Variants in ZNF883 observed in about 807,000 individuals in gnomAD.
The protein encoded by ZNF883 is zinc finger protein 883.
At chr9:112,997,278 T>A in exon 1 of ZNF883, 3 of 1,614,182 alleles carry the variant, frequency 1.9e-6, no homozygotes, top group Non-Finnish European at 1.7e-6. Flanking sequence ...CTGAAGGATT[T>A]CCCACATTCA....
downstream of ZNF883, among the ~76,000 whole-genome samples, chr9:112,993,483 T>C (rs1719203579): frequency 6.6e-6 from 1 of 152,194 alleles, no homozygotes; most frequent in Non-Finnish European, 1.5e-5. Context: ...TGCTCCTGTA[T>C]ACGGTGTCTG....
downstream of ZNF883, among the ~76,000 whole-genome samples, chr9:112,993,448 G>A (rs181216808): frequency 6.6e-5 from 10 of 152,292 alleles, no homozygotes; most frequent in Admixed American, 4.6e-4. Flanking sequence ...GTCTCAGAGG[G>A]GCACCAAACT....
At position 113,008,959 on chromosome 9, in the gene ZNF883, T is replaced by G. The variant is rs1388171388; in HGVS notation, n.165+2182A>C. ...ATGAGAGTGGAGATGGGGAGAGGAA[T>G]TGGAAGTTTGGGGTGGATGAAGTGT... On this transcript the variant is annotated intron_variant and non_coding_transcript_variant, in intron 2 of 4. Transcript: ENST00000638622. Among the ~76,000 whole-genome samples, 3 of 152,028 alleles carry G rather than the reference T, an allele frequency of 2.0e-5. No homozygotes were observed. In the East Asian group the frequency reaches 5.8e-4, roughly 30 times the overall value.
chr9:112,997,246 TTTAG>T (rs1252882860), exon 1 of ZNF883: 4 of 1,613,990 alleles, frequency 2.5e-6, no homozygotes, highest in African/African-American at 1.3e-5. Context: ...TTCGCTTATG[TTTAG>T]TTAGAGCTGA....
chr9:113,004,472 T>C (rs1382100687), intron 2 of ZNF883, among the ~76,000 whole-genome samples: 3 of 151,994 alleles, frequency 2.0e-5, no homozygotes, highest in African/African-American at 7.3e-5. Context: ...GGTGAGGCCT[T>C]TGGGAGGTAA....
chr9:112,997,211 T>C (rs371590343), exon 1 of ZNF883: 8 of 1,613,864 alleles, frequency 5.0e-6, no homozygotes, highest in South Asian at 1.1e-5. Flanking sequence ...CTTAGTACAT[T>C]GATAGGGTCT....
intron 2 of ZNF883, among the ~76,000 whole-genome samples, chr9:113,006,757 GTCTC>G (rs1465837340): frequency 2.6e-5 from 4 of 152,102 alleles, no homozygotes; most frequent in African/African-American, 7.2e-5. Flanking sequence ...CATCTAATCT[GTCTC>G]TCTTCTTCTA....
chr9:113,002,264 C>T (rs1828432547), upstream of ZNF883, among the ~76,000 whole-genome samples: 1 of 152,138 alleles, frequency 6.6e-6, no homozygotes, highest in Admixed American at 6.5e-5. Context: ...TTAGGATATA[C>T]AGAAGCAATA....
chr9:113,006,738 C>T (rs1409994080), intron 2 of ZNF883, among the ~76,000 whole-genome samples: 3 of 152,098 alleles, frequency 2.0e-5, no homozygotes, highest in African/African-American at 7.2e-5. Context: ...CTATCTAATA[C>T]CCAAATACCA....
At chr9:112,990,575 C>G (rs1006484058) in intron 1 of ZNF883, among the ~76,000 whole-genome samples, 1 of 152,036 alleles carries the variant, frequency 6.6e-6, no homozygotes, top group South Asian at 2.1e-4. Context: ...CTGAAGTTTT[C>G]TTTTTTTGTT....
chr9:113,000,645 T>G (rs1420007929), upstream of ZNF883, among the ~76,000 whole-genome samples: 1 of 152,136 alleles, frequency 6.6e-6, no homozygotes, highest in African/African-American at 2.4e-5. Context: ...GATACAATGT[T>G]TTCTAGCCAA....
chr9:112,997,229 G>A (rs1564332252), exon 1 of ZNF883: 1 of 1,613,996 alleles, frequency 6.2e-7, no homozygotes, highest in Non-Finnish European at 8.5e-7. Context: ...TCTCTCCCTT[G>A]TATGTATTCG....
chr9:113,000,742 T>C (rs1828414607), upstream of ZNF883, among the ~76,000 whole-genome samples: 1 of 152,072 alleles, frequency 6.6e-6, no homozygotes, highest in Non-Finnish European at 1.5e-5. Context: ...CATATTGAGG[T>C]TAAAGTGTTT....
chr9:113,001,863 A>G (rs920141395), upstream of ZNF883: 2 of 152,234 alleles, frequency 1.3e-5, no homozygotes, highest in African/African-American at 2.4e-5. Flanking sequence ...AAAGTTTTAA[A>G]GAAAAGGACT....
At chr9:112,997,280 C>A (rs1387193468) in exon 1 of ZNF883, 2 of 1,613,984 alleles carry the variant, frequency 1.2e-6, no homozygotes, top group Admixed American at 3.3e-5. Flanking sequence ...GAAGGATTTC[C>A]CACATTCATT....
upstream of ZNF883, chr9:112,999,033 C>T (rs1828395231): frequency 1.3e-5 from 2 of 152,176 alleles, no homozygotes; most frequent in Non-Finnish European, 2.9e-5. Flanking sequence ...ATTCTAACAT[C>T]ATATGATGAC....
chr9:112,989,721 T>C (rs1274097841), intron 1 of ZNF883, among the ~76,000 whole-genome samples: 1 of 152,226 alleles, frequency 6.6e-6, no homozygotes, highest in Non-Finnish European at 1.5e-5. Context: ...AGCATGGCCA[T>C]TTTCACGATA....
upstream of ZNF883, among the ~76,000 whole-genome samples, chr9:113,003,142 C>A (rs1270604533): frequency 6.6e-6 from 1 of 152,198 alleles, no homozygotes; most frequent in African/African-American, 2.4e-5. Context: ...CCCCACACGT[C>A]AAGGATTGGG....
At chr9:113,006,107 AAAG>A (rs1335028608) in intron 2 of ZNF883, among the ~76,000 whole-genome samples, 1 of 151,768 alleles carries the variant, frequency 6.6e-6, no homozygotes, top group Admixed American at 6.6e-5. Flanking sequence ...TAAAAAAAAA[AAAG>A]AAACCAGCCT....
Sources: gnomAD v4.1 joint callset for allele counts (sites outside exome capture counted in the v4.1 genomes callset) on GRCh38, gnomAD v4.1.1 for gene constraint, MANE v1.5 for transcripts, NCBI Gene and HGNC (gene_info 2026-07-23, HGNC 2026-07-21) for gene names.